Variants in ARID5B observed in about 807,000 individuals in gnomAD.
ARID5B encodes AT-rich interaction domain 5B.
In ARID5B, 13 loss-of-function variants were observed where a neutral mutation model predicts 97.2. That is an observed-to-expected ratio of 0.13 (90% CI 0.09 to 0.21). The LOEUF (loss-of-function observed/expected upper bound fraction) is 0.21, where lower values mean the gene tolerates loss of function less well. Ranked by LOEUF, ARID5B falls within the 10% of genes least tolerant of loss-of-function variation. The probability of loss-of-function intolerance (pLI) is 1.00; values close to 1 mark genes in which losing one functional copy is unlikely to be tolerated. For synonymous variants in ARID5B, 556 were observed against 570.3 expected, an observed-to-expected ratio of 0.97 and a Z score of 0.36; for missense variants, 1,210 against 1,465.3, an observed-to-expected ratio of 0.83 and a Z score of 2.84.
At chr10:62,038,370 TA>T (rs145509701) in intron 4 of ARID5B, among the ~76,000 whole-genome samples, 405 of 141,998 alleles carry the variant, frequency 2.9e-3, no homozygotes, top group African/African-American at 3.7e-3. Context: ...GTTCCTTATT[TA>T]AAAAAAAAAA....
chr10:62,035,389 C>A (rs1839549621), intron 4 of ARID5B, among the ~76,000 whole-genome samples: 1 of 151,642 alleles, frequency 6.6e-6, no homozygotes, highest in African/African-American at 2.4e-5. Context: ...TCAAGACCAA[C>A]ATAATCTCTT....
At chr10:61,967,395 C>A (rs772958443) in intron 3 of ARID5B, among the ~76,000 whole-genome samples, 3 of 152,178 alleles carry the variant, frequency 2.0e-5, no homozygotes, top group Non-Finnish European at 2.9e-5. Flanking sequence ...TTTAATTGAT[C>A]CATTGGCCGT....
At chr10:62,040,917 T>G (rs1279171308) in intron 4 of ARID5B, among the ~76,000 whole-genome samples, 1 of 152,174 alleles carries the variant, frequency 6.6e-6, no homozygotes, top group Non-Finnish European at 1.5e-5. Context: ...TATCTTACAG[T>G]GAAAAATGTA....
At chr10:62,070,127 T>C (rs908437377) in intron 8 of ARID5B, among the ~76,000 whole-genome samples, 7 of 152,234 alleles carry the variant, frequency 4.6e-5, no homozygotes, top group Admixed American at 3.3e-4. Context: ...CTGAAAAATC[T>C]GCAATGCTAC....
chr10:62,000,238 G>C lies in ARID5B; in HGVS notation c.650G>C (p.Ser217Thr). The C allele has an allele frequency of 6.2e-7, 1 of 1,613,950 alleles. No homozygotes were observed. The highest frequency in any genetic ancestry group is 8.5e-7 in the Non-Finnish European group (1 of 1,179,908). The change falls in exon 4 of 10, where the codon AGC becomes ACC. Residue 217 changes from serine (S) to threonine (T), a missense_variant. This residue lies in a region of ARID5B where 132 missense variants were observed against 156.7 expected (regional missense o/e 0.84). Transcript: ENST00000279873. This position sits in a 1 kb window ranked among gnomAD's most constrained non-coding sequence, Gnocchi z 4.4. ...ALALGGIAVV[S>T]RNPQILYCRD... ...GCCCTGGGGGGCATTGCAGTGGTCA[G>C]CAGGAACCCTCAGATCCTGTACTGT... is the stretch of plus-strand genomic sequence containing the variant.
At chr10:62,076,787 T>C (rs1312847737) in intron 8 of ARID5B, among the ~76,000 whole-genome samples, 4 of 152,136 alleles carry the variant, frequency 2.6e-5, no homozygotes, top group Non-Finnish European at 4.4e-5. Context: ...CTCATGTCTA[T>C]GAACTATTAT....
At chr10:61,911,182 G>A (rs914897000) in intron 2 of ARID5B, among the ~76,000 whole-genome samples, 1 of 152,156 alleles carries the variant, frequency 6.6e-6, no homozygotes, top group African/African-American at 2.4e-5. Context: ...TTGAGCTACT[G>A]TGCAAGCTGG....
chr10:61,942,948 C>T (rs1193415235), intron 3 of ARID5B, among the ~76,000 whole-genome samples: 2 of 152,100 alleles, frequency 1.3e-5, no homozygotes, highest in Non-Finnish European at 2.9e-5. Context: ...TCTCCTGGGG[C>T]ACAAGAAACA....
chr10:61,949,659 C>T (rs950898374), intron 3 of ARID5B, among the ~76,000 whole-genome samples: 2 of 151,712 alleles, frequency 1.3e-5, no homozygotes, highest in Non-Finnish European at 2.9e-5. Flanking sequence ...CACGCCCCCA[C>T]AAAAAAAGAC....
chr10:62,029,395 A>G (rs866354066), intron 4 of ARID5B, among the ~76,000 whole-genome samples: 65 of 152,248 alleles, frequency 4.3e-4, no homozygotes, highest in African/African-American at 1.5e-3. Flanking sequence ...AATTATGCTC[A>G]GTATTTTTCC....
intron 2 of ARID5B, among the ~76,000 whole-genome samples, chr10:61,909,594 G>A (rs917706852): frequency 6.6e-6 from 1 of 152,188 alleles, no homozygotes; most frequent in African/African-American, 2.4e-5. Flanking sequence ...CAAAGTGCTG[G>A]GATTACAGGC....
At chr10:62,082,994 T>A (rs1454526925) in intron 8 of ARID5B, among the ~76,000 whole-genome samples, 1 of 152,098 alleles carries the variant, frequency 6.6e-6, no homozygotes, top group Non-Finnish European at 1.5e-5. Context: ...CCCAAGCCAC[T>A]ATAATTATCT....
intron 8 of ARID5B, among the ~76,000 whole-genome samples, chr10:62,080,591 C>T (rs1179670522): frequency 1.3e-5 from 2 of 152,120 alleles, no homozygotes; most frequent in South Asian, 4.1e-4. Flanking sequence ...TCTATTGGCT[C>T]CATATTTGGT....
chr10:62,070,419 A>T (rs1489739948), intron 8 of ARID5B, among the ~76,000 whole-genome samples: 1 of 152,206 alleles, frequency 6.6e-6, no homozygotes, highest in African/African-American at 2.4e-5. Flanking sequence ...TTAGGACTCC[A>T]TTATTCACAC....
At chr10:62,001,008 G>A (rs115874948) in intron 4 of ARID5B, among the ~76,000 whole-genome samples, 81 of 152,252 alleles carry the variant, frequency 5.3e-4, no homozygotes, top group African/African-American at 1.9e-3. Context: ...AACTGGTCAC[G>A]TGTCTCTACA....
Position 61,987,005 on chromosome 10 carries a change from C to T in ARID5B, c.503-13086C>T, listed in dbSNP as rs1174582366. ...GAAAAGAACCATGAAGACATCTGGG[C>T]ACTAGTAAGAAGCAAGAGGAAGACA... On this transcript the variant is annotated intron_variant, in intron 3 of 9. Coordinates refer to ENST00000279873, the MANE Select transcript of ARID5B (RefSeq NM_032199.3). Among the ~76,000 whole-genome samples, 4 of 152,286 alleles carry T rather than the reference C, an allele frequency of 2.6e-5. No individual in the cohort carries two copies. The East Asian group carries it at 7.7e-4, about 29-fold the overall frequency.
At chr10:62,081,757 T>C (rs756052285) in intron 8 of ARID5B, among the ~76,000 whole-genome samples, 7 of 152,246 alleles carry the variant, frequency 4.6e-5, no homozygotes, top group Non-Finnish European at 8.8e-5. Context: ...ATTACAGTAA[T>C]AGATTTGCTG....
At chr10:61,922,528 G>A (rs1036562526) in intron 2 of ARID5B, among the ~76,000 whole-genome samples, 6 of 152,140 alleles carry the variant, frequency 3.9e-5, no homozygotes, top group African/African-American at 9.7e-5. Context: ...GCTTGAACCC[G>A]GGAGGTGGAG....
chr10:62,022,005 T>C (rs1314683559), intron 4 of ARID5B, among the ~76,000 whole-genome samples: 1 of 152,244 alleles, frequency 6.6e-6, no homozygotes, highest in African/African-American at 2.4e-5. Flanking sequence ...TGTTTTTACT[T>C]CTTCTAAATT....
Sources: allele counts gnomAD v4.1 joint callset (sites outside exome capture counted in the v4.1 genomes callset), GRCh38; gene constraint gnomAD v4.1.1; regional missense constraint gnomAD v4.1.1; non-coding constraint Gnocchi (gnomAD v3.1); transcripts MANE v1.5; gene names NCBI Gene and HGNC (gene_info 2026-07-23, HGNC 2026-07-21).